Variants in B2M observed in about 807,000 individuals in gnomAD.
The protein encoded by B2M is beta-2-microglobulin.
B2M carries 3 observed loss-of-function variants against 14.5 expected under a neutral mutation model. The observed-to-expected ratio is 0.21, with a 90% CI of 0.09 to 0.53. The LOEUF (loss-of-function observed/expected upper bound fraction) is 0.53, where lower values mean the gene tolerates loss of function less well. Ranked by LOEUF, B2M falls within the 20% of genes least tolerant of loss-of-function variation. B2M has a pLI of 0.95. For synonymous variants in B2M, 45 were observed against 52.7 expected, an observed-to-expected ratio of 0.85 and a Z score of 0.64; for missense variants, 107 against 140.8, an observed-to-expected ratio of 0.76 and a Z score of 1.21.
intron 1 of B2M, chr15:44,711,936 T>G: frequency 2.0e-6 from 1 of 500,926 alleles, no homozygotes; most frequent in Non-Finnish European, 3.7e-6. Flanking sequence ...AGGGTTTCTC[T>G]TCCGCTCTTT....
chr15:44,711,865 G>A (rs2086873781), intron 1 of B2M: 2 of 615,182 alleles, frequency 3.3e-6, no homozygotes, highest in Non-Finnish European at 5.8e-6. Context: ...GGCCTACGGC[G>A]ACGGGAGGGT....
chr15:44,711,622 C>A lies in B2M; in HGVS notation c.67+9C>A, dbSNP rs1185307651. On this transcript the variant is annotated intron_variant, in intron 1 of 3. Coordinates refer to ENST00000648006, the MANE Select transcript of B2M (RefSeq NM_004048.4). ...CCTGGAGGCTATCCAGCGTGAGTCT[C>A]TCCTACCCTCCCGCTCTGGTCCTTC... 6.8e-6 allele frequency: 11 copies of A among 1,611,794 alleles called. No homozygotes were observed. Among genetic ancestry groups the A allele is most frequent in the Non-Finnish European group, 9.3e-6 (11 of 1,178,392 alleles).
At chr15:44,711,811 C>T (rs1000996352) in intron 1 of B2M, 198 bp downstream of exon 1, 1 of 733,098 alleles carries the variant, frequency 1.4e-6, no homozygotes, top group East Asian at 2.7e-5. Flanking sequence ...GCACCCGGGA[C>T]GCGCGCTACT....
chr15:44,715,317 C>A lies in B2M; in HGVS notation c.68-106C>A, dbSNP rs903184970. 1.3e-5 allele frequency: 18 copies of A among 1,344,736 alleles called. No homozygotes were observed. The Admixed American group carries it at 2.7e-4, about 20-fold the overall frequency. 83.3% of individuals were successfully genotyped at this position (1,344,736 alleles called of 1,614,324 possible). On this transcript the variant is annotated intron_variant, in intron 1 of 3. Coordinates refer to ENST00000648006, the MANE Select transcript of B2M (RefSeq NM_004048.4). ...GAGTGGAAATGGAATTGGGAGAAAT[C>A]GATGACCAAATGTAAACACTTGGTG... is the stretch of plus-strand genomic sequence containing the variant.
Position 44,715,708 on chromosome 15 carries a change from C to A in B2M, c.346+7C>A. The A allele has an allele frequency of 6.2e-7, 1 of 1,614,072 alleles. No homozygotes were observed. The highest frequency in any genetic ancestry group is 1.3e-5 in the African/African-American group (1 of 75,048). ...CCCAAGATAGTTAAGTGGGGTAAGTCTTACATTCTTTTGTAAGCTGCTGAA... is the reference window on the plus strand; with the variant it reads ...CCCAAGATAGTTAAGTGGGGTAAGTATTACATTCTTTTGTAAGCTGCTGAA... On this transcript the variant is annotated splice_region_variant and intron_variant, in intron 2 of 3. Coordinates refer to ENST00000648006, the MANE Select transcript of B2M (RefSeq NM_004048.4).
At chr15:44,716,439 C>A (rs766284427) in intron 3 of B2M, 83 bp downstream of exon 3, 71 of 1,349,272 alleles carry the variant, frequency 5.3e-5, no homozygotes, top group Non-Finnish European at 7.4e-5. Flanking sequence ...ATAACCCTCA[C>A]TATGTGGAGA....
intron 1 of B2M, chr15:44,714,925 TA>T: frequency 5.0e-6 from 1 of 201,280 alleles, no homozygotes; most frequent in African/African-American, 2.4e-5. Context: ...AAGAAAGGCA[TA>T]AACATAAGAA....
At chr15:44,715,149 G>A in intron 1 of B2M, 2 of 523,920 alleles carry the variant, frequency 3.8e-6, no homozygotes, top group Non-Finnish European at 6.9e-6. Flanking sequence ...GCAATCTCCA[G>A]TGACAGAAGA....
chr15:44,717,836 G>C lies in B2M; in HGVS notation c.*244G>C, dbSNP rs2141290481. 6.6e-6 allele frequency: 1 copy of C among 152,266 alleles called. No homozygotes were observed. Among genetic ancestry groups the C allele is most frequent in the South Asian group, 2.1e-4 (1 of 4,820 alleles). 9.4% of individuals were successfully genotyped at this position (152,266 alleles called of 1,614,324 possible). On this transcript the variant is annotated 3_prime_UTR_variant, in exon 4 of 4. Coordinates refer to ENST00000648006, the MANE Select transcript of B2M (RefSeq NM_004048.4). ...TAGGAGGGCTGGCAACTTAGAGGTG[G>C]GGAGCAGAGAATTCTCTTATCCAAC...
chr15:44,716,087 T>A, intron 2 of B2M: 1 of 610,390 alleles, frequency 1.6e-6, no homozygotes, highest in South Asian at 2.0e-5. Flanking sequence ...TGTTTGTAAG[T>A]CCTGCTGTCC....
At chr15:44,711,654 C>G (rs1269978698) in intron 1 of B2M, 41 bp downstream of exon 1, 2 of 1,583,472 alleles carry the variant, frequency 1.3e-6, no homozygotes, top group Non-Finnish European at 1.7e-6. Context: ...CTTCCTCTCC[C>G]GCTCTGCACC....
intron 1 of B2M, 100 bp from the exon 2 acceptor site, chr15:44,715,323 C>T: frequency 7.2e-7 from 1 of 1,395,628 alleles, no homozygotes; most frequent in Non-Finnish European, 1.0e-6. Context: ...AAATCGATGA[C>T]CAAATGTAAA....
rs2086959785 is a variant in B2M at position 44,717,733 on chromosome 15, A to G, written c.*141A>G. 1 of 152,246 alleles carries G rather than the reference A, an allele frequency of 6.6e-6. No homozygotes were observed. Among genetic ancestry groups the G allele is most frequent in the Non-Finnish European group, 1.5e-5 (1 of 68,062 alleles). The allele number at this position is 152,246 out of a possible 1,614,324, so 9.4% of individuals were successfully genotyped here. A position where few individuals can be genotyped will look rare whatever the true frequency, so the allele number is the denominator to read the frequency against. On this transcript the variant is annotated 3_prime_UTR_variant, in exon 4 of 4. Transcript: ENST00000648006. ...GGGTTATAATAATGTTAACATGGAC[A>G]TGATCTTCTTTATAATTCTACTTTG...
At chr15:44,715,402 T>G (rs1394423631) in intron 1 of B2M, 21 bp from the exon 2 acceptor site, 1 of 1,610,794 alleles carries the variant, frequency 6.2e-7, no homozygotes, top group Non-Finnish European at 8.5e-7. Context: ...TATTAATGTG[T>G]CTTTTCCCGA....
rs576710407 is a variant in B2M at position 44,714,770 on chromosome 15, T to TA, written c.68-652dup. 5.1e-3 allele frequency: 783 copies of TA among 153,396 alleles called. 4 individuals are homozygous for TA. The highest frequency in any genetic ancestry group is 0.013 in the Middle Eastern group (4 of 298). The allele number at this position is 153,396 out of a possible 1,614,324, so 9.5% of individuals were successfully genotyped here. Reference sequence around the variant, plus strand: ...TAAAAAAATAAAAAAATAAAGAACATACCTTGGGTTGATCCACTTAGGAAC... The same window carrying TA: ...TAAAAAAATAAAAAAATAAAGAACATAACCTTGGGTTGATCCACTTAGGAAC... On this transcript the variant is annotated intron_variant, in intron 1 of 3. Transcript: ENST00000648006.
intron 2 of B2M, 175 bp downstream of exon 2, chr15:44,715,876 T>A (rs2086935607): frequency 3.6e-6 from 3 of 831,350 alleles, no homozygotes; most frequent in Admixed American, 4.2e-5. Context: ...AAGATCAGAT[T>A]AGTGGCACCT....
intron 1 of B2M, chr15:44,714,212 A>G (rs1285329474): frequency 2.6e-5 from 4 of 152,150 alleles, no homozygotes; most frequent in African/African-American, 9.7e-5. Flanking sequence ...CGCAAATCCC[A>G]CTGTCACATG....
intron 1 of B2M, chr15:44,715,087 G>A (rs2086926485): frequency 4.8e-6 from 2 of 415,758 alleles, no homozygotes; most frequent in African/African-American, 2.0e-5. Context: ...AGTGCTGAGA[G>A]GGCATCAGAA....
intron 3 of B2M, chr15:44,716,585 G>T (rs1741037786): frequency 8.6e-6 from 5 of 578,570 alleles, no homozygotes; most frequent in Non-Finnish European, 1.5e-5. Context: ...AGAGGGCAAA[G>T]GAACTGCCAG....
Sources: allele counts gnomAD v4.1 joint callset, GRCh38; gene constraint gnomAD v4.1.1; transcripts MANE v1.5; gene names NCBI Gene and HGNC (gene_info 2026-07-23, HGNC 2026-07-21).